Variants in ALKBH3 observed in about 807,000 individuals in gnomAD.
The protein encoded by ALKBH3 is alpha-ketoglutarate-dependent dioxygenase alkB homolog 3.
A neutral mutation model predicts 43.9 loss-of-function variants in ALKBH3; 51 were observed. The observed-to-expected ratio is 1.16, with a 90% CI of 0.93 to 1.47. ALKBH3 has a LOEUF of 1.47. Ranked by LOEUF, ALKBH3 falls within the 40% of genes most tolerant of loss-of-function variation. The probability of loss-of-function intolerance (pLI) is 0.00; values close to 1 mark genes in which losing one functional copy is unlikely to be tolerated. For synonymous variants in ALKBH3, 102 were observed against 115.2 expected (o/e 0.89, Z 0.73); for missense variants, 361 against 351.9 (o/e 1.03, Z -0.21).
intron 3 of ALKBH3, 144 bp downstream of exon 3, chr11:43,883,332 T>C: frequency 1.6e-6 from 1 of 630,260 alleles, no homozygotes; most frequent in East Asian, 2.9e-5. Flanking sequence ...AAATGAGAAA[T>C]ATTTCAGTTC....
chr11:43,919,755 C>T, intron 9 of ALKBH3, 163 bp from the exon 10 acceptor site: 7 of 632,752 alleles, frequency 1.1e-5, no homozygotes, highest in Middle Eastern at 8.9e-4. Context: ...AAATTTGTTT[C>T]AAAGAAGGGA....
intron 8 of ALKBH3, chr11:43,916,574 G>GA (rs1381587746): frequency 1.3e-5 from 2 of 151,984 alleles, no homozygotes; most frequent in Admixed American, 1.3e-4. Context: ...TTGTTTTGAA[G>GA]AAAACCCTGA....
At chr11:43,904,150 A>C (rs1357533268) in intron 8 of ALKBH3, among the ~76,000 whole-genome samples, 1 of 152,220 alleles carries the variant, frequency 6.6e-6, no homozygotes. Context: ...AATACAGGCC[A>C]TGAAATACTC....
intron 3 of ALKBH3, 30 bp from the exon 4 acceptor site, chr11:43,883,953 C>T: frequency 6.8e-6 from 11 of 1,612,362 alleles, no homozygotes; most frequent in Non-Finnish European, 9.3e-6. Flanking sequence ...AAGAACATCC[C>T]AGAAGTAAGA....
chr11:43,906,782 T>C (rs1590377486), intron 8 of ALKBH3, among the ~76,000 whole-genome samples: 1 of 152,234 alleles, frequency 6.6e-6, no homozygotes, highest in East Asian at 1.9e-4. Flanking sequence ...AAAAACACTT[T>C]CTAATGAAAT....
intron 9 of ALKBH3, 121 bp from the exon 10 acceptor site, chr11:43,919,797 A>G: frequency 1.1e-6 from 1 of 915,364 alleles, no homozygotes; most frequent in Non-Finnish European, 1.7e-6. Context: ...AGAGCTTACT[A>G]CTCATTTAAG....
At chr11:43,898,601 C>A in intron 7 of ALKBH3, 1 of 747,684 alleles carries the variant, frequency 1.3e-6, no homozygotes, top group South Asian at 1.4e-5. Flanking sequence ...CCTATCAGCT[C>A]ATGGACCTGC....
rs375599351 is a variant in ALKBH3 at position 43,889,717 on chromosome 11, G to C, written c.267-8G>C. 114 of 1,611,722 alleles carry C rather than the reference G, an allele frequency of 7.1e-5. No individual in the cohort carries two copies. The African/African-American group carries it at 1.4e-3, about 20-fold the overall frequency. ...TTTTTTGGTTAACAATGTTCATTCT[G>C]CACCCAGGGTCTGTTTGTATCCTGG... is the stretch of plus-strand genomic sequence containing the variant. On this transcript the variant is annotated splice_region_variant and splice_polypyrimidine_tract_variant and intron_variant, in intron 5 of 9. Coordinates refer to ENST00000302708, the MANE Select transcript of ALKBH3 (RefSeq NM_139178.4).
At chr11:43,886,710 A>G (rs1461656779) in intron 5 of ALKBH3, 57 bp downstream of exon 5, 7 of 1,537,960 alleles carry the variant, frequency 4.6e-6, no homozygotes, top group Non-Finnish European at 6.3e-6. Flanking sequence ...AGTCTCTTAA[A>G]ATAGTTTACT....
intron 8 of ALKBH3, among the ~76,000 whole-genome samples, chr11:43,917,577 A>G (rs1238165943): frequency 6.6e-6 from 1 of 152,106 alleles, no homozygotes; most frequent in Non-Finnish European, 1.5e-5. Context: ...GGACTGTCTA[A>G]TCTCATGGTC....
intron 7 of ALKBH3, chr11:43,897,791 T>C: frequency 1.2e-6 from 1 of 826,882 alleles, no homozygotes; most frequent in Non-Finnish European, 2.2e-6. Context: ...ACCCTGAAAA[T>C]GAAGATTGGA....
intron 7 of ALKBH3, among the ~76,000 whole-genome samples, chr11:43,899,872 G>GAAAAAAAA (rs10636253): frequency 2.5e-5 from 3 of 121,944 alleles, no homozygotes; most frequent in Non-Finnish European, 5.1e-5. Context: ...GTGGTCTCAG[G>GAAAAAAAA]AAAAAAAAAA....
At chr11:43,914,137 A>T (rs563754048) in intron 8 of ALKBH3, among the ~76,000 whole-genome samples, 1 of 152,226 alleles carries the variant, frequency 6.6e-6, no homozygotes, top group Non-Finnish European at 1.5e-5. Flanking sequence ...TAATCAGGAC[A>T]GGAAATATTA....
intron 7 of ALKBH3, chr11:43,899,424 A>G: frequency 1.4e-6 from 1 of 708,994 alleles, no homozygotes; most frequent in Non-Finnish European, 2.7e-6. Flanking sequence ...AAAGTGATGT[A>G]CTACGCCAAA....
rs1416168125 is a variant in ALKBH3, at chr11:43,882,834, G to A, written c.79+103G>A. 2.8e-5 allele frequency: 35 copies of A among 1,258,472 alleles called. No individual in the cohort carries two copies. The Admixed American group carries it at 3.2e-4, about 11-fold the overall frequency. The allele number at this position is 1,258,472 out of a possible 1,614,324, so 78.0% of individuals were successfully genotyped here. On this transcript the variant is annotated intron_variant, in intron 2 of 9. Transcript: ENST00000302708. Reference sequence around the variant, plus strand: ...ATAATGGACTTCCATTTCAATTGACGTCAAGGAATTGTTTAAAATGTGGCT... The same window carrying A: ...ATAATGGACTTCCATTTCAATTGACATCAAGGAATTGTTTAAAATGTGGCT...
chr11:43,898,583 T>G, intron 7 of ALKBH3: 1 of 757,192 alleles, frequency 1.3e-6, no homozygotes, highest in Non-Finnish European at 2.5e-6. Context: ...ACAAAAGTCT[T>G]TGTTTGGCCT....
At chr11:43,906,384 TAA>T (rs962288934) in intron 8 of ALKBH3, among the ~76,000 whole-genome samples, 1 of 152,172 alleles carries the variant, frequency 6.6e-6, no homozygotes, top group African/African-American at 2.4e-5. Context: ...TCCAAAATAA[TAA>T]GATACTAAAT....
At chr11:43,908,803 A>T (rs1951915342) in intron 8 of ALKBH3, among the ~76,000 whole-genome samples, 1 of 152,244 alleles carries the variant, frequency 6.6e-6, no homozygotes, top group African/African-American at 2.4e-5. Context: ...CAATGTGTGC[A>T]GTCCAGAAGG....
At chr11:43,886,685 T>C (rs770724784) in intron 5 of ALKBH3, 32 bp downstream of exon 5, 1 of 1,601,178 alleles carries the variant, frequency 6.2e-7, no homozygotes, top group Non-Finnish European at 8.6e-7. Flanking sequence ...GTGACCGTAA[T>C]TATCACTGAG....
Sources: gnomAD v4.1 joint callset for allele counts (sites outside exome capture counted in the v4.1 genomes callset) on GRCh38, gnomAD v4.1.1 for gene constraint, MANE v1.5 for transcripts, NCBI Gene and HGNC (gene_info 2026-07-23, HGNC 2026-07-21) for gene names.